Variants in NXPH1 observed in about 807,000 individuals in gnomAD.
NXPH1 encodes neurexophilin 1.
Under a neutral mutation model 23.7 loss-of-function variants are expected in NXPH1, and 5 were observed. The observed-to-expected ratio is 0.21, with a 90% CI of 0.11 to 0.44. NXPH1 has a LOEUF of 0.44. Ranked by LOEUF, NXPH1 falls within the 20% of genes least tolerant of loss-of-function variation. The pLI, the probability that NXPH1 is intolerant of heterozygous loss-of-function variation, is 0.99. For missense variants in NXPH1, 324 were observed against 321.6 expected, an observed-to-expected ratio of 1.01 and a Z score of -0.06; for synonymous variants, 144 against 122.2, an observed-to-expected ratio of 1.18 and a Z score of -1.18.
At chr7:8,466,796 T>C (rs555930013) in intron 2 of NXPH1, among the ~76,000 whole-genome samples, 1 of 152,304 alleles carries the variant, frequency 6.6e-6, no homozygotes, top group South Asian at 2.1e-4. Context: ...TTTCTTTCTG[T>C]TTCCGACCTG....
intron 2 of NXPH1, among the ~76,000 whole-genome samples, chr7:8,695,128 A>G (rs1821286253): frequency 6.6e-6 from 1 of 152,238 alleles, no homozygotes; most frequent in African/African-American, 2.4e-5. Context: ...CTTCTATATT[A>G]AATCTGGAAT....
At chr7:8,739,171 T>TAAAAAAAA (rs34593997) in intron 2 of NXPH1, among the ~76,000 whole-genome samples, 175 of 54,044 alleles carry the variant, frequency 3.2e-3, no homozygotes, top group Non-Finnish European at 4.0e-3. Context: ...ACCAGTGGGG[T>TAAAAAAAA]AAAAAAAAAA....
At chr7:8,479,676 T>C (rs1017893218) in intron 2 of NXPH1, among the ~76,000 whole-genome samples, 1 of 152,090 alleles carries the variant, frequency 6.6e-6, no homozygotes, top group African/African-American at 2.4e-5. Context: ...AGGAAATGTA[T>C]AAGATGAATC....
rs986271982 is a variant in NXPH1, at chr7:8,631,401, G to A, written c.55-119607G>A. On this transcript the variant is annotated intron_variant, in intron 2 of 2. Transcript: ENST00000405863. ...CATGATGAAGATGCCAAAAGCAATGGCAACAAAATCAAAAATTGACAAATG... is the reference window on the plus strand; with the variant it reads ...CATGATGAAGATGCCAAAAGCAATGACAACAAAATCAAAAATTGACAAATG... Among the ~76,000 whole-genome samples the A allele has an allele frequency of 4.6e-5, 7 of 152,158 alleles. No individual in the cohort carries two copies. In the South Asian group the frequency reaches 6.2e-4, roughly 14 times the overall value.
chr7:8,597,615 T>A (rs28448830), intron 2 of NXPH1, among the ~76,000 whole-genome samples: 12,255 of 150,090 alleles, frequency 0.082, 609 homozygotes, highest in East Asian at 0.17. Context: ...GCTCATTCAG[T>A]CATCAGAGTT....
At chr7:8,628,086 T>A (rs1275203963) in intron 2 of NXPH1, among the ~76,000 whole-genome samples, 1 of 152,082 alleles carries the variant, frequency 6.6e-6, no homozygotes, top group Non-Finnish European at 1.5e-5. Flanking sequence ...TGTTCAGAAG[T>A]TAGTATTATT....
intron 2 of NXPH1, among the ~76,000 whole-genome samples, chr7:8,548,982 C>T (rs989721734): frequency 6.6e-6 from 1 of 151,442 alleles, no homozygotes; most frequent in Non-Finnish European, 1.5e-5. Context: ...ACATATTACA[C>T]TCAGAAAAAA....
chr7:8,598,610 G>A (rs1583182330), intron 2 of NXPH1, among the ~76,000 whole-genome samples: 1 of 152,132 alleles, frequency 6.6e-6, no homozygotes, highest in Admixed American at 6.6e-5. Flanking sequence ...GGGGGTAGGG[G>A]AAAAGAAACC....
rs1342012209 is a variant in NXPH1 at position 8,603,294 on chromosome 7, G to A, written c.55-147714G>A. On this transcript the variant is annotated intron_variant, in intron 2 of 2. Coordinates refer to ENST00000405863, the MANE Select transcript of NXPH1 (RefSeq NM_152745.3). ...TCTGAAACCTATTCAGTAGTATAAA[G>A]CATTTTGAATAGAAATACAGTTAAG... Among the ~76,000 whole-genome samples the A allele has an allele frequency of 2.6e-5, 4 of 152,182 alleles. No homozygotes were observed. In the South Asian group the frequency reaches 8.3e-4, roughly 32 times the overall value.
intron 2 of NXPH1, among the ~76,000 whole-genome samples, chr7:8,557,501 T>C (rs1442166408): frequency 2.0e-5 from 3 of 151,576 alleles, no homozygotes; most frequent in African/African-American, 7.3e-5. Flanking sequence ...GGGTAAATTA[T>C]TGACCCCTCC....
chr7:8,607,947 C>T (rs114201004), intron 2 of NXPH1, among the ~76,000 whole-genome samples: 2,114 of 152,260 alleles, frequency 0.014, 45 homozygotes, highest in African/African-American at 0.047. Flanking sequence ...TGCCATGTGG[C>T]GATAGAAGTC....
chr7:8,525,001 G>A (rs769989067), intron 2 of NXPH1, among the ~76,000 whole-genome samples: 12 of 152,214 alleles, frequency 7.9e-5, no homozygotes, highest in South Asian at 4.1e-4. Flanking sequence ...TTTGGAACTC[G>A]TAAACAGGCT....
chr7:8,603,671 G>T (rs1297846457), intron 2 of NXPH1, among the ~76,000 whole-genome samples: 1 of 151,900 alleles, frequency 6.6e-6, no homozygotes, highest in Non-Finnish European at 1.5e-5. Context: ...ACTGTTTTTG[G>T]TTGTTCTCTA....
intron 2 of NXPH1, among the ~76,000 whole-genome samples, chr7:8,532,212 C>A (rs901621973): frequency 2.0e-5 from 3 of 152,048 alleles, no homozygotes; most frequent in Admixed American, 6.6e-5. Context: ...TTTAAAAAAA[C>A]CATTTAATTC....
At chr7:8,576,148 C>G (rs970032) in intron 2 of NXPH1, among the ~76,000 whole-genome samples, 57,283 of 151,968 alleles carry the variant, frequency 0.38, 12,908 homozygotes, top group African/African-American at 0.64. Flanking sequence ...TTTTCTTAAG[C>G]AAGTATATCA....
At chr7:8,634,665 G>GTT (rs144810873) in intron 2 of NXPH1, among the ~76,000 whole-genome samples, 1,617 of 95,488 alleles carry the variant, frequency 0.017, 125 homozygotes, top group Non-Finnish European at 0.024. Context: ...GTCCAGAAGA[G>GTT]TTTTTTTTTT....
intron 2 of NXPH1, among the ~76,000 whole-genome samples, chr7:8,683,038 AG>A (rs1408245655): frequency 6.6e-6 from 1 of 152,158 alleles, no homozygotes; most frequent in Non-Finnish European, 1.5e-5. Flanking sequence ...TGTGAAGAAG[AG>A]GTGTTTATTT....
chr7:8,724,222 C>A (rs141033444), intron 2 of NXPH1, among the ~76,000 whole-genome samples: 3 of 152,256 alleles, frequency 2.0e-5, no homozygotes, highest in Admixed American at 6.5e-5. Flanking sequence ...TTCAAAGAGA[C>A]CTGGGACCCT....
In NXPH1 at chr7:8,526,570, C is replaced by G. The variant is rs187056348; in HGVS notation, c.54+90803C>G. Among the ~76,000 whole-genome samples the G allele has an allele frequency of 9.5e-4, 145 of 152,248 alleles. 1 individual carries two copies. The highest frequency in any genetic ancestry group is 3.3e-3 in the African/African-American group (139 of 41,532). The stretch of plus-strand genomic sequence containing the variant: ...AACTTGAATTGTATCTCACATAATT[C>G]CCACATGTTGTGGGAGGGACCCAAG... On this transcript the variant is annotated intron_variant, in intron 2 of 2. Transcript: ENST00000405863.
Sources: allele counts gnomAD v4.1 joint callset (sites outside exome capture counted in the v4.1 genomes callset), GRCh38; gene constraint gnomAD v4.1.1; transcripts MANE v1.5; gene names NCBI Gene and HGNC (gene_info 2026-07-23, HGNC 2026-07-21).